Variants in TPPP3 observed in about 807,000 individuals in gnomAD.
TPPP3 encodes the protein tubulin polymerization-promoting protein family member 3.
Under a neutral mutation model 13.1 loss-of-function variants are expected in TPPP3, and 7 were observed. The ratio of observed to expected loss-of-function variants is 0.54; its 90% CI spans 0.30 to 1.01. The LOEUF is 1.01. Ranked by LOEUF, TPPP3 falls within the 50% of genes least tolerant of loss-of-function variation. The probability of loss-of-function intolerance (pLI) is 0.06; values close to 1 mark genes in which losing one functional copy is unlikely to be tolerated. For missense variants in TPPP3, 185 were observed against 235.0 expected (o/e 0.79, Z 1.39); for synonymous variants, 87 against 93.7 (o/e 0.93, Z 0.41).
chr16:67,390,222 CACGT>C lies in TPPP3; in HGVS notation c.479_482del (p.Tyr160Ter). The C allele has an allele frequency of 6.2e-7, 1 of 1,614,234 alleles. No homozygotes were observed. The highest frequency in any genetic ancestry group is 8.5e-7 in the Non-Finnish European group (1 of 1,180,040). The stretch of plus-strand genomic sequence containing the variant: ...AGGTGCCTGCATTCTTGTAGGCGCT[CACGT>C]AGCCACTGTCGTCCAGGATGTCCTG... On this transcript the variant is annotated frameshift_variant, in exon 4 of 4. Transcript: ENST00000393957. LOFTEE classifies it high-confidence loss of function. This position sits in a 1 kb window ranked among gnomAD's most constrained non-coding sequence, Gnocchi z 6.4.
At position 67,389,967 on chromosome 16, in the gene TPPP3, G is replaced by C. The variant is rs1475085259; in HGVS notation, c.*207C>G. The stretch of plus-strand genomic sequence containing the variant: ...ACAGACTGTCCCCAGGTGGACAGAA[G>C]TTGGAGCAGGAAGAGGAGGAGGAAG... On this transcript the variant is annotated 3_prime_UTR_variant, in exon 4 of 4. Transcript: ENST00000393957. The C allele has an allele frequency of 1.7e-6, 1 of 590,802 alleles. No homozygotes were observed. The highest frequency in any genetic ancestry group is 3.0e-6 in the Non-Finnish European group (1 of 334,014). 36.6% of individuals were successfully genotyped at this position (590,802 alleles called of 1,614,324 possible).
rs2040336892 is a variant in TPPP3 at position 67,392,242 on chromosome 16, A to T, written c.-6-1125T>A. Among the ~76,000 whole-genome samples, 1 of 151,324 alleles carries T rather than the reference A, an allele frequency of 6.6e-6. No homozygotes were observed. Among genetic ancestry groups the T allele is most frequent in the South Asian group, 2.1e-4 (1 of 4,780 alleles). On this transcript the variant is annotated intron_variant, in intron 1 of 3. Coordinates refer to ENST00000393957, the MANE Select transcript of TPPP3 (RefSeq NM_015964.4). The surrounding 1 kb of genome is among the most constrained non-coding windows in gnomAD (Gnocchi z 4.9). ...CCCACAGCCACAGCCCTCGGCCACC[A>T]GCCCCCACATATATACTAACAAGCC...
chr16:67,393,023 G>A lies in TPPP3; in HGVS notation c.-7+357C>T, dbSNP rs979144078. 15 of 985,380 alleles carry A rather than the reference G, an allele frequency of 1.5e-5. No individual in the cohort carries two copies. The highest frequency in any genetic ancestry group is 1.8e-5 in the Non-Finnish European group (15 of 829,978). The allele number at this position is 985,380 out of a possible 1,614,324, so 61.0% of individuals were successfully genotyped here. A position where few individuals can be genotyped will look rare whatever the true frequency, so the allele number is the denominator to read the frequency against. ...GGCCCAAGCACTGGGCGGATCCTGC[G>A]TGCAGTGCTCACTCCTGTCCGTGGA... On this transcript the variant is annotated intron_variant, in intron 1 of 3. Transcript: ENST00000393957. The surrounding 1 kb of genome is among the most constrained non-coding windows in gnomAD (Gnocchi z 5.4).
At position 67,393,145 on chromosome 16, in the gene TPPP3, C is replaced by G. The variant is rs978972523; in HGVS notation, c.-7+235G>C. The G allele has an allele frequency of 1.4e-6, 1 of 705,034 alleles. No individual in the cohort carries two copies. The highest frequency in any genetic ancestry group is 1.9e-5 in the African/African-American group (1 of 51,676). 43.7% of individuals were successfully genotyped at this position (705,034 alleles called of 1,614,324 possible). A position where few individuals can be genotyped will look rare whatever the true frequency, so the allele number is the denominator to read the frequency against. ...AGGCCATGGATGGAGTGGCCACACC[C>G]GTGAACTGGAGCCACCCGTCCCGCT... On this transcript the variant is annotated intron_variant, in intron 1 of 3. Transcript: ENST00000393957. This position sits in a 1 kb window ranked among gnomAD's most constrained non-coding sequence, Gnocchi z 5.4.
At position 67,391,519 on chromosome 16, in the gene TPPP3, C is replaced by T. The variant is rs558123240; in HGVS notation, c.-6-402G>A. 146 of 193,994 alleles carry T rather than the reference C, an allele frequency of 7.5e-4. 1 individual carries two copies. The highest frequency in any genetic ancestry group is 3.2e-3 in the African/African-American group (136 of 43,088). The allele number at this position is 193,994 out of a possible 1,614,324, so 12.0% of individuals were successfully genotyped here. ...GGCCCCCTCCCTGGAAGCTCCATGC[C>T]AAGCTGGCTTGGGGCCAGGCCAGGC... On this transcript the variant is annotated intron_variant, in intron 1 of 3. Coordinates refer to ENST00000393957, the MANE Select transcript of TPPP3 (RefSeq NM_015964.4). This position sits in a 1 kb window ranked among gnomAD's most constrained non-coding sequence, Gnocchi z 6.3.
rs1157683139 is a variant in TPPP3 at position 67,391,093 on chromosome 16, T to C, written c.19A>G (p.Met7Val). The change falls in exon 2 of 4, where the codon ATG becomes GTG. Residue 7 changes from methionine to valine, a missense_variant. Met to Val is a conservative substitution (Grantham distance 21). Transcript: ENST00000393957. This position sits in a 1 kb window ranked among gnomAD's most constrained non-coding sequence, Gnocchi z 6.3. MAASTD[M>V]AGLEESFRKF... ...CGGAAGCTCTCCTCCAGCCCAGCCATGTCTGTGCTCGCTGCCATGCCACCC... is the reference window on the plus strand; with the variant it reads ...CGGAAGCTCTCCTCCAGCCCAGCCACGTCTGTGCTCGCTGCCATGCCACCC... 1.2e-6 allele frequency: 2 copies of C among 1,614,140 alleles called. No individual in the cohort carries two copies. The highest frequency in any genetic ancestry group is 8.5e-7 in the Non-Finnish European group (1 of 1,180,010).
rs2040315735 is a variant in TPPP3, at chr16:67,390,629, C to T, written c.192G>A (p.Gly64=). The change falls in exon 3 of 4, where the codon GGG becomes GGA. Residue 64 remains glycine (G), a synonymous_variant. Transcript: ENST00000393957. The surrounding 1 kb of genome is among the most constrained non-coding windows in gnomAD (Gnocchi z 6.4). ...CATAGTTGATGACCCGAGCAGACTT[C>T]CCCCTGACAGGCATGTGGGCACCAT... ...DVDIVFSKVK[G]KSARVINYEE... 6.2e-7 allele frequency: 1 copy of T among 1,612,084 alleles called. No individual in the cohort carries two copies. The highest frequency in any genetic ancestry group is 8.5e-7 in the Non-Finnish European group (1 of 1,179,628).
Position 67,390,730 on chromosome 16 carries a change from C to T in TPPP3, c.189-98G>A, listed in dbSNP as rs1016577773. ...GCTGCCACCACAAATTATGCAATTGCGTTTCTTTCCCACGTTTGGGGAAGT... is the reference window on the plus strand; with the variant it reads ...GCTGCCACCACAAATTATGCAATTGTGTTTCTTTCCCACGTTTGGGGAAGT... On this transcript the variant is annotated intron_variant, in intron 2 of 3. Transcript: ENST00000393957. The surrounding 1 kb of genome is among the most constrained non-coding windows in gnomAD (Gnocchi z 6.4). The T allele has an allele frequency of 6.6e-6, 10 of 1,515,256 alleles. No individual in the cohort carries two copies. The highest frequency in any genetic ancestry group is 2.6e-5 in the South Asian group (2 of 77,296). 93.9% of individuals were successfully genotyped at this position (1,515,256 alleles called of 1,614,324 possible).
chr16:67,391,184 C>A lies in TPPP3; in HGVS notation c.-6-67G>T. ...TTCCCCTCCCCCAAGCCCAGAACAT[C>A]CCAGCCTCTACCTCAAACCTGCAAG... On this transcript the variant is annotated intron_variant, in intron 1 of 3. Transcript: ENST00000393957. The surrounding 1 kb of genome is among the most constrained non-coding windows in gnomAD (Gnocchi z 6.3). 1 of 1,509,072 alleles carries A rather than the reference C, an allele frequency of 6.6e-7. No individual in the cohort carries two copies. The highest frequency in any genetic ancestry group is 1.8e-5 in the Admixed American group (1 of 56,312). The allele number at this position is 1,509,072 out of a possible 1,614,324, so 93.5% of individuals were successfully genotyped here. A position where few individuals can be genotyped will look rare whatever the true frequency, so the allele number is the denominator to read the frequency against.
chr16:67,392,856 T>C lies in TPPP3; in HGVS notation c.-7+524A>G. On this transcript the variant is annotated intron_variant, in intron 1 of 3. Coordinates refer to ENST00000393957, the MANE Select transcript of TPPP3 (RefSeq NM_015964.4). The surrounding 1 kb of genome is among the most constrained non-coding windows in gnomAD (Gnocchi z 4.9). ...TGGGACTGTGAGCACCGGTGGTTCC[T>C]ACGTTACAGGGACCATAACCCCAGT... The C allele has an allele frequency of 3.6e-6, 2 of 554,886 alleles. No individual in the cohort carries two copies. Among genetic ancestry groups the C allele is most frequent in the Non-Finnish European group, 4.6e-6 (2 of 436,378 alleles). 34.4% of individuals were successfully genotyped at this position (554,886 alleles called of 1,614,324 possible).
rs1434659127 is a variant in TPPP3, at chr16:67,392,694, T to A, written c.-7+686A>T. ...TGCCACCTCCTGACCACACCCTCGG[T>A]CTCAGCAACCATCTTCTAGCTCTGC... On this transcript the variant is annotated intron_variant, in intron 1 of 3. Transcript: ENST00000393957. The surrounding 1 kb of genome is among the most constrained non-coding windows in gnomAD (Gnocchi z 4.9). 1.3e-5 allele frequency among the ~76,000 whole-genome samples: 2 copies of A among 152,130 alleles called. No individual in the cohort carries two copies. Among genetic ancestry groups the A allele is most frequent in the Non-Finnish European group, 2.9e-5 (2 of 68,016 alleles).
Position 67,391,876 on chromosome 16 carries a change from C to T in TPPP3, c.-6-759G>A, listed in dbSNP as rs1423745. On this transcript the variant is annotated intron_variant, in intron 1 of 3. Coordinates refer to ENST00000393957, the MANE Select transcript of TPPP3 (RefSeq NM_015964.4). This position sits in a 1 kb window ranked among gnomAD's most constrained non-coding sequence, Gnocchi z 6.3. ...GAAGCTGGGGCCCACGGGTGGGGCA[C>T]GCCAGCACTCCCTGCGCCTAGGGCA... 3,810 of 152,466 alleles carry T rather than the reference C, an allele frequency of 0.025. 91 individuals are homozygous for T. The highest frequency in any genetic ancestry group is 0.064 in the South Asian group (311 of 4,860). 9.4% of individuals were successfully genotyped at this position (152,466 alleles called of 1,614,324 possible). A position where few individuals can be genotyped will look rare whatever the true frequency, so the allele number is the denominator to read the frequency against.
chr16:67,391,128 C>A lies in TPPP3; in HGVS notation c.-6-11G>T. 6.2e-7 allele frequency: 1 copy of A among 1,612,068 alleles called. No individual in the cohort carries two copies. Among genetic ancestry groups the A allele is most frequent in the Non-Finnish European group, 8.5e-7 (1 of 1,178,712 alleles). ...CGCTGCCATGCCACCCTATAGAGAC[C>A]CACCTGGGTCATCTCCCAGCCAATC... On this transcript the variant is annotated splice_polypyrimidine_tract_variant and intron_variant, in intron 1 of 3. Transcript: ENST00000393957. This position sits in a 1 kb window ranked among gnomAD's most constrained non-coding sequence, Gnocchi z 6.3.
rs1311428178 is a variant in TPPP3 at position 67,390,179 on chromosome 16, T to G, written c.526A>C (p.Lys176Gln). 3 of 1,613,894 alleles carry G rather than the reference T, an allele frequency of 1.9e-6. No homozygotes were observed. The African/African-American group carries it at 4.0e-5, about 22-fold the overall frequency. Residue 176 changes from lysine to glutamine, a missense_variant, in exon 4 of 4, where the codon AAG becomes CAG. Transcript: ENST00000393957. The surrounding 1 kb of genome is among the most constrained non-coding windows in gnomAD (Gnocchi z 6.4). ...NAGTYDAKVK[K>Q] ...CAGGGCGGTCTTCCCAAGCCTCACT[T>G]CTTCACCTTGGCATCGTAGGTGCCT...
At position 67,391,490 on chromosome 16, in the gene TPPP3, A is replaced by G; in HGVS notation, c.-6-373T>C. 4.8e-6 allele frequency: 1 copy of G among 206,744 alleles called. No homozygotes were observed. Among genetic ancestry groups the G allele is most frequent in the Non-Finnish European group, 9.8e-6 (1 of 101,580 alleles). The allele number at this position is 206,744 out of a possible 1,614,324, so 12.8% of individuals were successfully genotyped here. On this transcript the variant is annotated intron_variant, in intron 1 of 3. Coordinates refer to ENST00000393957, the MANE Select transcript of TPPP3 (RefSeq NM_015964.4). This position sits in a 1 kb window ranked among gnomAD's most constrained non-coding sequence, Gnocchi z 6.3. ...GCTTGGGTGGAAGTGAGGGTGGCAG[A>G]GCAGGCCCCCTCCCTGGAAGCTCCA...
At position 67,393,202 on chromosome 16, in the gene TPPP3, C is replaced by T; in HGVS notation, c.-7+178G>A. ...GGGACAGCTGGAGTCATCAATCAGC[C>T]GGACCAGGAGGTGGGGGCTGCGAGG... On this transcript the variant is annotated intron_variant, in intron 1 of 3. Transcript: ENST00000393957. This position sits in a 1 kb window ranked among gnomAD's most constrained non-coding sequence, Gnocchi z 5.4. The T allele has an allele frequency of 1.5e-6, 1 of 662,722 alleles. No homozygotes were observed. The highest frequency in any genetic ancestry group is 1.9e-6 in the Non-Finnish European group (1 of 535,212). The allele number at this position is 662,722 out of a possible 1,614,324, so 41.1% of individuals were successfully genotyped here.
chr16:67,390,825 T>C lies in TPPP3; in HGVS notation c.188+99A>G. ...CCTGGAAGAACGACCTTCGTGATCATGGTGTTTCCCTGACCCCTTCTTGAT... is the reference window on the plus strand; with the variant it reads ...CCTGGAAGAACGACCTTCGTGATCACGGTGTTTCCCTGACCCCTTCTTGAT... On this transcript the variant is annotated intron_variant, in intron 2 of 3. Coordinates refer to ENST00000393957, the MANE Select transcript of TPPP3 (RefSeq NM_015964.4). This position sits in a 1 kb window ranked among gnomAD's most constrained non-coding sequence, Gnocchi z 6.4. The C allele has an allele frequency of 7.0e-7, 1 of 1,437,138 alleles. No homozygotes were observed. The highest frequency in any genetic ancestry group is 9.4e-7 in the Non-Finnish European group (1 of 1,066,240). The allele number at this position is 1,437,138 out of a possible 1,614,324, so 89.0% of individuals were successfully genotyped here. A position where few individuals can be genotyped will look rare whatever the true frequency, so the allele number is the denominator to read the frequency against.
Position 67,392,529 on chromosome 16 carries a change from A to G in TPPP3, c.-7+851T>C, listed in dbSNP as rs1406091830. On this transcript the variant is annotated intron_variant, in intron 1 of 3. Transcript: ENST00000393957. The surrounding 1 kb of genome is among the most constrained non-coding windows in gnomAD (Gnocchi z 4.9). ...TGACCCTCAGCACCCCTTTGTCCACACACCCTCAGCCCTCTGGCCACACCC... is the reference window on the plus strand; with the variant it reads ...TGACCCTCAGCACCCCTTTGTCCACGCACCCTCAGCCCTCTGGCCACACCC... Among the ~76,000 whole-genome samples, 5 of 150,910 alleles carry G rather than the reference A, an allele frequency of 3.3e-5. No homozygotes were observed. Among genetic ancestry groups the G allele is most frequent in the Non-Finnish European group, 7.4e-5 (5 of 67,696 alleles).
Position 67,393,435 on chromosome 16 carries a change from C to T in TPPP3, c.-62G>A. The T allele has an allele frequency of 1.0e-6, 1 of 985,622 alleles. No homozygotes were observed. The highest frequency in any genetic ancestry group is 1.2e-6 in the Non-Finnish European group (1 of 830,062). The allele number at this position is 985,622 out of a possible 1,614,324, so 61.1% of individuals were successfully genotyped here. ...AAGGACAGAACGACGCAGGAATGGA[C>T]CGATGGACGCGGGAGACCAGGCGGC... On this transcript the variant is annotated 5_prime_UTR_variant, in exon 1 of 4. Coordinates refer to ENST00000393957, the MANE Select transcript of TPPP3 (RefSeq NM_015964.4). This position sits in a 1 kb window ranked among gnomAD's most constrained non-coding sequence, Gnocchi z 5.4.
Sources: allele counts gnomAD v4.1 joint callset (sites outside exome capture counted in the v4.1 genomes callset), GRCh38; gene constraint gnomAD v4.1.1; non-coding constraint Gnocchi (gnomAD v3.1); transcripts MANE v1.5; gene names NCBI Gene and HGNC (gene_info 2026-07-23, HGNC 2026-07-21).